PHLDB3: variants seen among roughly 807,000 people sequenced by gnomAD.
PHLDB3 encodes the protein pleckstrin homology-like domain family B member 3.
In PHLDB3, 86 loss-of-function variants were observed where a neutral mutation model predicts 85.7. The ratio of observed to expected loss-of-function variants is 1.00; its 90% confidence interval spans 0.84 to 1.20. PHLDB3 has a LOEUF of 1.20. PHLDB3 is among the 50% of genes most tolerant of loss of function. The pLI, the probability that PHLDB3 is intolerant of heterozygous loss-of-function variation, is 0.00. For synonymous variants in PHLDB3, 376 were observed against 349.8 expected (o/e 1.07, Z -0.83); for missense variants, 995 against 873.0 (o/e 1.14, Z -1.76).
chr19:43,497,334 G>A, intron 5 of PHLDB3, 55 bp from the exon 6 acceptor site: 3 of 1,306,968 alleles, frequency 2.3e-6, no homozygotes, highest in Admixed American at 7.0e-5. Context: ...ACCCCAGGGA[G>A]TAGTGGGCTG....
chr19:43,501,604 C>T, intron 4 of PHLDB3, 130 bp downstream of exon 4: 1 of 1,459,842 alleles, frequency 6.9e-7, no homozygotes, highest in Non-Finnish European at 9.0e-7. Context: ...CTGCCCCTCA[C>T]TCTCTCAGGA....
chr19:43,504,182 T>G (rs1281739314), intron 1 of PHLDB3, 50 bp from the exon 2 acceptor site: 4 of 1,476,352 alleles, frequency 2.7e-6, no homozygotes, highest in Non-Finnish European at 3.6e-6. Context: ...CTAGGACGGC[T>G]GAGCGCCGCT....
At chr19:43,478,249 C>T in intron 14 of PHLDB3, 117 bp from the exon 15 acceptor site, 1 of 711,958 alleles carries the variant, frequency 1.4e-6, no homozygotes, top group Non-Finnish European at 2.4e-6. Flanking sequence ...AACATGGTGA[C>T]AAGAGTCTGA....
At chr19:43,481,004 T>C (rs959374562) in intron 13 of PHLDB3, among the ~76,000 whole-genome samples, 1 of 152,176 alleles carries the variant, frequency 6.6e-6, no homozygotes, top group Admixed American at 6.6e-5. Context: ...GTAGTACATC[T>C]CAGATTTCTT....
Position 43,502,118 on chromosome 19 carries a change from TCCTC to T in PHLDB3, c.375_378del (p.Lys127SerfsTer2). On this transcript the variant is annotated frameshift_variant, in exon 3 of 16. Transcript: ENST00000292140. LOFTEE classifies it high-confidence loss of function. Reference sequence around the variant, plus strand: ...AGCCTCACCTCGATCCTCAGCTCCTTCCTCTGGCGCTGTAGCTCCTTCACTCGCT... The same window carrying T: ...AGCCTCACCTCGATCCTCAGCTCCTTTGGCGCTGTAGCTCCTTCACTCGCT... 6.3e-7 allele frequency: 1 copy of T among 1,575,280 alleles called. No individual in the cohort carries two copies. The highest frequency in any genetic ancestry group is 8.6e-7 in the Non-Finnish European group (1 of 1,161,124).
At chr19:43,489,393 G>A (rs938444991) in intron 9 of PHLDB3, among the ~76,000 whole-genome samples, 6 of 148,074 alleles carry the variant, frequency 4.1e-5, no homozygotes, top group Non-Finnish European at 7.4e-5. Flanking sequence ...TTTTTTAAGC[G>A]AGTACAGAAC....
intron 13 of PHLDB3, among the ~76,000 whole-genome samples, chr19:43,481,664 T>C (rs1971049455): frequency 6.6e-6 from 1 of 151,340 alleles, no homozygotes; most frequent in Non-Finnish European, 1.5e-5. Context: ...CATGGTGGTG[T>C]GTGCCTAGGA....
intron 6 of PHLDB3, chr19:43,496,727 C>A (rs971871741): frequency 8.8e-6 from 2 of 228,202 alleles, no homozygotes; most frequent in Admixed American, 5.7e-5. Context: ...GAGCTGTGAA[C>A]GTGTCACTGC....
At position 43,475,484 on chromosome 19, in the gene PHLDB3, C is replaced by A. The variant is rs1001179291; in HGVS notation, c.1849G>T (p.Ala617Ser). ...ATGCGCATGGCTTCGGGGCTCGGAG[C>A]CACCATGTAGAAAAGGCGTTCGTAG... ...KTYERLFYMV[A>S]PSPEAMRIWM... The change falls in exon 16 of 16, where the codon GCT (alanine) becomes TCT (serine). Residue 617 changes from alanine to serine, a missense_variant. Ala to Ser is a moderately conservative substitution (Grantham distance 99). Transcript: ENST00000292140. The A allele has an allele frequency of 6.2e-7, 1 of 1,613,948 alleles. No individual in the cohort carries two copies. The highest frequency in any genetic ancestry group is 1.7e-5 in the Admixed American group (1 of 60,014).
chr19:43,497,867 G>A lies in PHLDB3; in HGVS notation c.544C>T (p.Arg182Trp), dbSNP rs377471313. The A allele has an allele frequency of 9.5e-5, 151 of 1,588,796 alleles. 1 individual carries two copies. Among genetic ancestry groups the A allele is most frequent in the Admixed American group, 1.8e-4 (10 of 55,890 alleles). ...AGGCGATCCCGTTCCTGGCTCAGCC[G>A]CCTCTGTTCCTGAAAGAACAACAAG... ...GRQQREQEQRRLSQERDRLEG... is the reference protein window; with the variant it reads ...GRQQREQEQRWLSQERDRLEG... Residue 182 changes from arginine (R) to tryptophan (W), a missense_variant, in exon 5 of 16, where the codon CGG becomes TGG. By Grantham distance (101) the Arg-to-Trp change is moderately radical (BLOSUM62 -3). Coordinates refer to ENST00000292140, the MANE Select transcript of PHLDB3 (RefSeq NM_198850.4).
chr19:43,486,214 G>C, intron 13 of PHLDB3, 52 bp downstream of exon 13: 1 of 1,570,876 alleles, frequency 6.4e-7, no homozygotes, highest in South Asian at 1.2e-5. Flanking sequence ...CATAGGTCAG[G>C]GGGAGAAACA....
At chr19:43,482,530 C>CTGTTTGTT (rs111789790) in intron 13 of PHLDB3, among the ~76,000 whole-genome samples, 5 of 152,060 alleles carry the variant, frequency 3.3e-5, no homozygotes, top group South Asian at 4.2e-4. Context: ...AGGAGCAATT[C>CTGTTTGTT]TGTTTGTTTG....
Position 43,500,923 on chromosome 19 carries a change from C to CCA in PHLDB3, c.534+810_534+811insTG, listed in dbSNP as rs1555757872. 9.0e-4 allele frequency among the ~76,000 whole-genome samples: 95 copies of CCA among 105,852 alleles called. 8 individuals are homozygous for CCA. The highest frequency in any genetic ancestry group is 4.1e-3 in the Middle Eastern group (1 of 244). The allele number at this position is 105,852 out of a possible 152,430, so 69.4% of individuals were successfully genotyped here. ...CCGCCCCCCGTACCCCCCCCCCACC[C>CCA]CGCAAGTACTGGGATTACAGGTGTG... On this transcript the variant is annotated intron_variant, in intron 4 of 15. Coordinates refer to ENST00000292140, the MANE Select transcript of PHLDB3 (RefSeq NM_198850.4).
intron 15 of PHLDB3, 139 bp downstream of exon 15, chr19:43,477,908 C>T (rs926266981): frequency 5.5e-6 from 3 of 541,052 alleles, no homozygotes; most frequent in Admixed American, 3.3e-5. Flanking sequence ...GTTTTCTCTG[C>T]GACAAACACG....
At chr19:43,502,726 G>A (rs918009011) in intron 2 of PHLDB3, among the ~76,000 whole-genome samples, 2 of 149,088 alleles carry the variant, frequency 1.3e-5, no homozygotes, top group Non-Finnish European at 3.0e-5. Context: ...AAAGTGCTAC[G>A]ATTACAGGCA....
At position 43,477,923 on chromosome 19, in the gene PHLDB3, C is replaced by T; in HGVS notation, c.1788+124G>A. On this transcript the variant is annotated intron_variant, in intron 15 of 15. Coordinates refer to ENST00000292140, the MANE Select transcript of PHLDB3 (RefSeq NM_198850.4). ...GTTTTCTCTGCGACAAACACGTACT[C>T]CTATGAGTACCCTGACAGGAGAAGC... 10 of 643,306 alleles carry T rather than the reference C, an allele frequency of 1.6e-5. No individual in the cohort carries two copies. The South Asian group carries it at 1.7e-4, about 11-fold the overall frequency. 39.8% of individuals were successfully genotyped at this position (643,306 alleles called of 1,614,324 possible). A position where few individuals can be genotyped will look rare whatever the true frequency, so the allele number is the denominator to read the frequency against.
chr19:43,492,867 GTTA>G (rs775415784), intron 9 of PHLDB3, among the ~76,000 whole-genome samples: 1 of 151,890 alleles, frequency 6.6e-6, no homozygotes, highest in Non-Finnish European at 1.5e-5. Context: ...TAAAACCATT[GTTA>G]TTATTATTGC....
chr19:43,485,501 G>A (rs1971134666), intron 13 of PHLDB3, among the ~76,000 whole-genome samples: 1 of 151,438 alleles, frequency 6.6e-6, no homozygotes, highest in Non-Finnish European at 1.5e-5. Context: ...GTGAGCCACT[G>A]CGCCCGGCCT....
intron 9 of PHLDB3, among the ~76,000 whole-genome samples, chr19:43,488,781 T>C (rs1398485409): frequency 6.6e-6 from 1 of 151,546 alleles, no homozygotes; most frequent in Non-Finnish European, 1.5e-5. Flanking sequence ...AAATGAACCA[T>C]GGCTTATGCA....
Sources: allele counts gnomAD v4.1 joint callset (sites outside exome capture counted in the v4.1 genomes callset), GRCh38; gene constraint gnomAD v4.1.1; transcripts MANE v1.5; gene names NCBI Gene and HGNC (gene_info 2026-07-23, HGNC 2026-07-21).